The following DTHD1 variants were observed in gnomAD, a reference collection of about 807,000 sequenced individuals.
DTHD1 encodes the protein death domain-containing protein 1.
DTHD1 carries 59 observed loss-of-function variants against 74.8 expected under a neutral mutation model. The observed-to-expected ratio is 0.79, with a 90% CI of 0.64 to 0.98. The LOEUF (loss-of-function observed/expected upper bound fraction) is 0.98. DTHD1 is among the 50% of genes least tolerant of loss of function. DTHD1 has a pLI of 0.00. For synonymous variants in DTHD1, 365 were observed against 371.1 expected, an observed-to-expected ratio of 0.98 and a Z score of 0.19; for missense variants, 1,051 against 1,065.4, an observed-to-expected ratio of 0.99 and a Z score of 0.19.
At chr4:36,338,854 G>A (rs1372956396) in intron 8 of DTHD1, among the ~76,000 whole-genome samples, 1 of 152,082 alleles carries the variant, frequency 6.6e-6, no homozygotes, top group African/African-American at 2.4e-5. Flanking sequence ...TTCATTTAGA[G>A]TTAATCTGAG....
chr4:36,316,509 TTAC>T, intron 8 of DTHD1, 23 bp downstream of exon 8: 1 of 1,531,778 alleles, frequency 6.5e-7, no homozygotes, highest in Non-Finnish European at 8.8e-7. Flanking sequence ...ACTTTTCTAA[TTAC>T]TACATTTTGT....
chr4:36,292,163 G>T (rs964914166), intron 3 of DTHD1, among the ~76,000 whole-genome samples: 3 of 152,150 alleles, frequency 2.0e-5, no homozygotes, highest in African/African-American at 7.2e-5. Flanking sequence ...TTATAGGTAT[G>T]ATAGTCTAGT....
chr4:36,314,812 A>G (rs896970836), intron 7 of DTHD1, among the ~76,000 whole-genome samples: 1 of 127,446 alleles, frequency 7.8e-6, no homozygotes, highest in Admixed American at 9.3e-5. Flanking sequence ...GCCTCTTATC[A>G]TTTGCTATCA....
chr4:36,308,453 A>G lies in DTHD1; in HGVS notation c.2055A>G (p.Glu685=), dbSNP rs1170440879. The change falls in exon 7 of 10, where the codon GAA becomes GAG. Residue 685 remains glutamate, a synonymous_variant. Coordinates refer to ENST00000639862, the MANE Select transcript of DTHD1 (RefSeq NM_001170700.3). ...PSRHFQVREG[E]QLLLRFTGNI... The stretch of plus-strand genomic sequence containing the variant: ...GTCATTTCCAAGTTCGAGAAGGAGA[A>G]CAACTTCTTTTAAGATTTACTGGAA... 1.3e-6 allele frequency: 2 copies of G among 1,551,780 alleles called. No individual in the cohort carries two copies. Among genetic ancestry groups the G allele is most frequent in the Admixed American group, 2.0e-5 (1 of 51,004 alleles).
chr4:36,340,639 A>G (rs962510260), intron 9 of DTHD1, among the ~76,000 whole-genome samples: 1 of 152,188 alleles, frequency 6.6e-6, no homozygotes, highest in African/African-American at 2.4e-5. Context: ...GAAATATGAC[A>G]TTTGTATTGG....
At chr4:36,321,755 A>G (rs1758048672) in intron 8 of DTHD1, among the ~76,000 whole-genome samples, 1 of 152,148 alleles carries the variant, frequency 6.6e-6, no homozygotes, top group Non-Finnish European at 1.5e-5. Context: ...TAGTCAAATC[A>G]TCTCATGCCT....
At chr4:36,309,297 A>C (rs1757243606) in intron 7 of DTHD1, among the ~76,000 whole-genome samples, 1 of 152,146 alleles carries the variant, frequency 6.6e-6, no homozygotes, top group South Asian at 2.1e-4. Flanking sequence ...ACACACACAC[A>C]CAAAAATTAG....
intron 5 of DTHD1, among the ~76,000 whole-genome samples, chr4:36,295,688 G>T (rs1300506656): frequency 1.3e-5 from 2 of 152,018 alleles, no homozygotes; most frequent in Non-Finnish European, 2.9e-5. Flanking sequence ...GAATATTAAA[G>T]AAACCTATTT....
intron 8 of DTHD1, among the ~76,000 whole-genome samples, chr4:36,330,656 G>A (rs1758608486): frequency 6.6e-6 from 1 of 152,044 alleles, no homozygotes; most frequent in South Asian, 2.1e-4. Context: ...GACTAGTTTT[G>A]CCATATCCTA....
intron 8 of DTHD1, among the ~76,000 whole-genome samples, chr4:36,323,927 A>G (rs6855802): frequency 0.7 from 107,004 of 151,984 alleles, 38,401 homozygotes; most frequent in African/African-American, 0.83. Flanking sequence ...CACTCCATGC[A>G]TCTCCCTTAC....
rs191553880 is a variant in DTHD1, at chr4:36,286,585, G to A, written c.887+1994G>A. ...GAAAATAAGGCTAGAGTAAACCAAT[G>A]TGATTACAGTCATCGGTTACTTAAT... On this transcript the variant is annotated intron_variant, in intron 2 of 9. Transcript: ENST00000639862. 1.8e-4 allele frequency among the ~76,000 whole-genome samples: 27 copies of A among 152,314 alleles called. No homozygotes were observed. The Middle Eastern group carries it at 0.014, about 77-fold the overall frequency.
At chr4:36,325,106 G>T (rs1578480993) in intron 8 of DTHD1, among the ~76,000 whole-genome samples, 1 of 152,290 alleles carries the variant, frequency 6.6e-6, no homozygotes, top group East Asian at 1.9e-4. Flanking sequence ...AAATAAGCTG[G>T]GGAAAGATTA....
chr4:36,314,504 G>A (rs1173089946), intron 7 of DTHD1, among the ~76,000 whole-genome samples: 72 of 124,128 alleles, frequency 5.8e-4, no homozygotes, highest in African/African-American at 1.9e-3. Flanking sequence ...GTAAAACCCC[G>A]TCTCTACAAA....
chr4:36,311,991 A>G (rs2109508955), intron 7 of DTHD1, among the ~76,000 whole-genome samples: 1 of 152,322 alleles, frequency 6.6e-6, no homozygotes, highest in East Asian at 1.9e-4. Flanking sequence ...GTCACAGGAC[A>G]TGGACTGTAT....
rs187708734 is a variant in DTHD1 at position 36,296,861 on chromosome 4, A to C, written c.1643+1822A>C. Among the ~76,000 whole-genome samples, 12 of 152,144 alleles carry C rather than the reference A, an allele frequency of 7.9e-5. No homozygotes were observed. The East Asian group carries it at 2.1e-3, about 27-fold the overall frequency. ...GGGATTAGGGGTGCCAACCACCAAG[A>C]AGTTGAAAATGTGCGTATAACTTTT... On this transcript the variant is annotated intron_variant, in intron 5 of 9. Coordinates refer to ENST00000639862, the MANE Select transcript of DTHD1 (RefSeq NM_001170700.3).
intron 9 of DTHD1, among the ~76,000 whole-genome samples, chr4:36,339,496 GT>G (rs1174456129): frequency 6.6e-6 from 1 of 152,130 alleles, no homozygotes; most frequent in Admixed American, 6.6e-5. Context: ...TGACTCTTAA[GT>G]TGTAAATCTT....
intron 3 of DTHD1, among the ~76,000 whole-genome samples, chr4:36,293,265 A>G (rs1442953435): frequency 1.5e-5 from 2 of 136,810 alleles, no homozygotes; most frequent in Non-Finnish European, 3.2e-5. Flanking sequence ...TTATTCACAC[A>G]ATTTTGGGGA....
intron 3 of DTHD1, among the ~76,000 whole-genome samples, chr4:36,292,724 T>C (rs1756155653): frequency 6.6e-6 from 1 of 152,216 alleles, no homozygotes; most frequent in African/African-American, 2.4e-5. Context: ...AAATGTTTTT[T>C]CGTGTATGTG....
At chr4:36,291,882 A>T (rs2109457312) in intron 3 of DTHD1, among the ~76,000 whole-genome samples, 1 of 152,342 alleles carries the variant, frequency 6.6e-6, no homozygotes, top group Non-Finnish European at 1.5e-5. Context: ...TAATACTTAA[A>T]GTTTTTCTTT....
Sources: gnomAD v4.1 joint callset for allele counts (sites outside exome capture counted in the v4.1 genomes callset) on GRCh38, gnomAD v4.1.1 for gene constraint, MANE v1.5 for transcripts, NCBI Gene and HGNC (gene_info 2026-07-23, HGNC 2026-07-21) for gene names.